ANKRD30B: variants seen among roughly 807,000 people sequenced by gnomAD.
The protein encoded by ANKRD30B is ankyrin repeat domain-containing protein 30B.
ANKRD30B carries 144 observed loss-of-function variants against 202.2 expected under a neutral mutation model. That is an observed-to-expected ratio of 0.71 (90% CI 0.62 to 0.82). The LOEUF is 0.82. ANKRD30B is among the 40% of genes least tolerant of loss of function. The pLI is 0.00. For missense variants in ANKRD30B, 1,487 were observed against 1,669.1 expected (o/e 0.89, Z 1.90); for synonymous variants, 508 against 561.3 (o/e 0.91, Z 1.34).
At chr18:14,836,549 C>A (rs544119262) in intron 34 of ANKRD30B, among the ~76,000 whole-genome samples, 2 of 152,230 alleles carry the variant, frequency 1.3e-5, no homozygotes, top group Non-Finnish European at 2.9e-5. Flanking sequence ...CCCCATCTCC[C>A]CATGTTCATC....
At chr18:14,826,377 A>G (rs551594915) in intron 32 of ANKRD30B, among the ~76,000 whole-genome samples, 37 of 152,308 alleles carry the variant, frequency 2.4e-4, no homozygotes, top group Non-Finnish European at 4.0e-4. Context: ...TTAACTTACA[A>G]GTTCTACAGT....
chr18:14,748,457 G>C lies in ANKRD30B; in HGVS notation c.38G>C (p.Arg13Pro). ...TTAGCTGCCGCTGGCAAGGGCGTGC[G>C]GGGCCCGGAGCCCCCGAACCCCTTC... The part of the protein sequence containing the change: ...RLLAAAGKGV[R>P]GPEPPNPFSE... The change falls in exon 1 of 44, where the codon CGG (arginine) becomes CCG (proline). Residue 13 changes from arginine (R) to proline (P), a missense_variant. Physicochemically the swap from Arg to Pro is moderately radical, Grantham distance 103. Around this residue, in one of 6 missense-constraint regions of ANKRD30B, gnomAD observed 889 missense variants for 841.4 expected, o/e 1.06. Transcript: ENST00000690538. 1.3e-6 allele frequency: 2 copies of C among 1,534,806 alleles called. No individual in the cohort carries two copies. Among genetic ancestry groups the C allele is most frequent in the Non-Finnish European group, 1.8e-6 (2 of 1,138,308 alleles).
At chr18:14,769,066 G>C in intron 7 of ANKRD30B, among the ~76,000 whole-genome samples, 1 of 152,148 alleles carries the variant, frequency 6.6e-6, no homozygotes, top group East Asian at 1.9e-4. Flanking sequence ...CAAATCATCT[G>C]AGTCTTCATA....
the ANKRD30B span, among the ~76,000 whole-genome samples, chr18:14,865,834 C>T: frequency 6.6e-6 from 1 of 152,194 alleles, no homozygotes; most frequent in South Asian, 2.1e-4. Context: ...TCCAGTCTGT[C>T]CTGGTCCTCT....
In ANKRD30B at chr18:14,796,410, A is replaced by T. The variant is rs1262752236; in HGVS notation, c.1922A>T (p.Lys641Ile). 2 of 1,548,256 alleles carry T rather than the reference A, an allele frequency of 1.3e-6. No individual in the cohort carries two copies. The highest frequency in any genetic ancestry group is 2.7e-5 in the African/African-American group (2 of 72,950). ...ALELKDRETF[K>I]AESPDKDGLL... The stretch of plus-strand genomic sequence containing the variant: ...GAATTAAAGGACAGAGAAACATTCA[A>T]AGCAGGTAAATTTTGTAATTTAACT... Residue 641 changes from lysine to isoleucine, a missense_variant, in exon 18 of 44, where the codon AAA (lysine) becomes ATA (isoleucine). Lys to Ile is a moderately radical substitution (Grantham distance 102). Coordinates refer to ENST00000690538, the MANE Select transcript of ANKRD30B (RefSeq NM_001367607.2).
intron 37 of ANKRD30B, among the ~76,000 whole-genome samples, chr18:14,842,214 AT>A (rs1294102070): frequency 6.6e-6 from 1 of 151,444 alleles, no homozygotes; most frequent in Non-Finnish European, 1.5e-5. Context: ...ATTATGCAAT[AT>A]TTTTTAATGA....
chr18:14,856,523 C>A (rs1482225477), downstream of ANKRD30B, among the ~76,000 whole-genome samples: 2 of 133,562 alleles, frequency 1.5e-5, no homozygotes, highest in South Asian at 2.4e-4. Flanking sequence ...TGCTCCTCAC[C>A]TCCCAGATGA....
At chr18:14,765,300 TA>T (rs1915937258) in intron 7 of ANKRD30B, among the ~76,000 whole-genome samples, 1 of 151,864 alleles carries the variant, frequency 6.6e-6, no homozygotes, top group Non-Finnish European at 1.5e-5. Flanking sequence ...CCATCTCTAC[TA>T]AAAATATGCA....
chr18:14,909,607 C>T, the ANKRD30B span, among the ~76,000 whole-genome samples: 1 of 152,058 alleles, frequency 6.6e-6, no homozygotes, highest in Non-Finnish European at 1.5e-5. Context: ...GGAGTTTCAC[C>T]ATGTTGGCCA....
At position 14,752,972 on chromosome 18, in the gene ANKRD30B, C is replaced by A. The variant is rs780368020; in HGVS notation, c.470C>A (p.Thr157Lys). The change falls in exon 3 of 44, where the codon ACA becomes AAA. Residue 157 changes from threonine (T) to lysine (K), a missense_variant. Thr to Lys is a moderately conservative substitution (Grantham distance 78). Transcript: ENST00000690538. The part of the protein sequence containing the change: ...VYSENLLMVA[T>K]LLSYGAVIEV... The stretch of plus-strand genomic sequence containing the variant: ...AGTGAGAATTTGTTAATGGTGGCAA[C>A]ACTGCTGTCCTATGGTGCAGTCATC... 1 of 1,603,202 alleles carries A rather than the reference C, an allele frequency of 6.2e-7. No homozygotes were observed. Among genetic ancestry groups the A allele is most frequent in the Non-Finnish European group, 8.5e-7 (1 of 1,174,274 alleles).
At chr18:14,808,413 C>A (rs943163921) in intron 24 of ANKRD30B, 138 bp from the exon 25 acceptor site, 1 of 936,912 alleles carries the variant, frequency 1.1e-6, no homozygotes, top group Admixed American at 1.9e-5. Flanking sequence ...ATACAAAAAC[C>A]CAAAAGACCC....
chr18:14,867,319 G>A, the ANKRD30B span, among the ~76,000 whole-genome samples: 1 of 127,442 alleles, frequency 7.8e-6, no homozygotes, highest in East Asian at 2.9e-4. Context: ...GGGAGGGGGG[G>A]CAGGTTAGGG....
chr18:14,871,083 C>CTCAACCACA, the ANKRD30B span, among the ~76,000 whole-genome samples: 1 of 33,206 alleles, frequency 3.0e-5, no homozygotes, highest in African/African-American at 1.1e-4. Context: ...CCACAGACCC[C>CTCAACCACA]CACCCTCACC....
At chr18:14,864,854 C>T in the ANKRD30B span, among the ~76,000 whole-genome samples, 2,440 of 151,698 alleles carry the variant, frequency 0.016, 69 homozygotes, top group African/African-American at 0.056. Flanking sequence ...AACATTTTCC[C>T]GCCGTCTTTT....
chr18:14,884,422 C>T, the ANKRD30B span, among the ~76,000 whole-genome samples: 2 of 152,064 alleles, frequency 1.3e-5, no homozygotes, highest in Non-Finnish European at 2.9e-5. Context: ...TCATGAGCCA[C>T]ATAAACTATG....
At chr18:14,854,710 C>G (rs2143290139), downstream of ANKRD30B, among the ~76,000 whole-genome samples, 1 of 152,066 alleles carries the variant, frequency 6.6e-6, no homozygotes, top group African/African-American at 2.4e-5. Context: ...ACTATTGAAC[C>G]TTCTAGTTAA....
At chr18:14,920,195 C>T in the ANKRD30B span, among the ~76,000 whole-genome samples, 3 of 152,210 alleles carry the variant, frequency 2.0e-5, no homozygotes, top group Non-Finnish European at 4.4e-5. Context: ...TTCGTTCATT[C>T]ATTTGAACAT....
downstream of ANKRD30B, among the ~76,000 whole-genome samples, chr18:14,858,819 GCTC>G (rs1315753075): frequency 3.0e-4 from 33 of 111,270 alleles, no homozygotes; most frequent in Non-Finnish European, 5.7e-4. Context: ...AGGCAGAGGT[GCTC>G]CTCATTTCCC....
chr18:14,917,881 CCTT>C, the ANKRD30B span, among the ~76,000 whole-genome samples: 1 of 152,194 alleles, frequency 6.6e-6, no homozygotes, highest in Non-Finnish European at 1.5e-5. Context: ...TGCATGATCA[CCTT>C]CTTCTCCCCC....
Sources: allele counts gnomAD v4.1 joint callset (sites outside exome capture counted in the v4.1 genomes callset), GRCh38; gene constraint gnomAD v4.1.1; regional missense constraint gnomAD v4.1.1; transcripts MANE v1.5; gene names NCBI Gene and HGNC (gene_info 2026-07-23, HGNC 2026-07-21).